Variants in ZSWIM7 observed in about 807,000 individuals in gnomAD.
ZSWIM7 encodes zinc finger SWIM domain-containing protein 7.
Under a neutral mutation model 21.1 loss-of-function variants are expected in ZSWIM7, and 22 were observed. The ratio of observed to expected loss-of-function variants is 1.04; its 90% CI spans 0.74 to 1.49. The LOEUF (loss-of-function observed/expected upper bound fraction) is 1.49, where lower values mean the gene tolerates loss of function less well. Ranked by LOEUF, ZSWIM7 falls within the 40% of genes most tolerant of loss-of-function variation. ZSWIM7 has a pLI of 0.00. For missense variants in ZSWIM7, 193 were observed against 168.0 expected (o/e 1.15, Z -0.82); for synonymous variants, 67 against 66.5 (o/e 1.01, Z -0.04).
At chr17:15,979,304 G>C (rs554341548) in intron 4 of ZSWIM7, among the ~76,000 whole-genome samples, 45 of 151,836 alleles carry the variant, frequency 3.0e-4, no homozygotes, top group Middle Eastern at 3.4e-3. Context: ...CAGGGTTGGG[G>C]GTAAGGTCAC....
chr17:15,997,361 C>T (rs907128313), intron 1 of ZSWIM7, among the ~76,000 whole-genome samples: 4 of 152,078 alleles, frequency 2.6e-5, no homozygotes, highest in Non-Finnish European at 4.4e-5. Context: ...TAACATACTT[C>T]GTTCATCTGA....
chr17:15,997,097 AAAG>A (rs1970564193), intron 1 of ZSWIM7, among the ~76,000 whole-genome samples: 3 of 151,822 alleles, frequency 2.0e-5, no homozygotes, highest in South Asian at 4.2e-4. Flanking sequence ...CTAGGAGGTC[AAAG>A]CTACAGTGAG....
intron 2 of ZSWIM7, among the ~76,000 whole-genome samples, chr17:15,988,437 G>A (rs967884638): frequency 2.6e-5 from 4 of 151,850 alleles, no homozygotes; most frequent in Non-Finnish European, 5.9e-5. Flanking sequence ...CATGTCCCTT[G>A]GCATACATCT....
chr17:15,986,000 C>T (rs1970404968), intron 3 of ZSWIM7, among the ~76,000 whole-genome samples: 1 of 152,138 alleles, frequency 6.6e-6, no homozygotes, highest in Non-Finnish European at 1.5e-5. Context: ...AATTGGCAGT[C>T]TCTTTTGAGT....
intron 3 of ZSWIM7, among the ~76,000 whole-genome samples, chr17:15,982,365 G>A (rs2151621187): frequency 6.6e-6 from 1 of 152,290 alleles, no homozygotes; most frequent in East Asian, 1.9e-4. Context: ...TGTCCTGAGG[G>A]TGATTTTATA....
rs890453669 is a variant in ZSWIM7, at chr17:15,993,650, G to C, written c.98+107C>G. The C allele has an allele frequency of 1.1e-5, 10 of 869,592 alleles. No individual in the cohort carries two copies. In the Admixed American group the frequency reaches 1.2e-4, roughly 11 times the overall value. The allele number at this position is 869,592 out of a possible 1,614,324, so 53.9% of individuals were successfully genotyped here. On this transcript the variant is annotated intron_variant, in intron 2 of 4. Coordinates refer to ENST00000399277, the MANE Select transcript of ZSWIM7 (RefSeq NM_001042697.2). ...CAAAGTGCTGGGATTATAGGCGTGA[G>C]CCACTGCGCCCGGTCAAGAGTATTT...
intron 2 of ZSWIM7, among the ~76,000 whole-genome samples, chr17:15,991,878 C>CAA (rs143575390): frequency 0.031 from 4,748 of 151,250 alleles, 251 homozygotes; most frequent in African/African-American, 0.11. Context: ...CTTCAGGGCT[C>CAA]AAACAGTCCT....
intron 2 of ZSWIM7, chr17:15,990,940 G>C (rs150311314): frequency 6.6e-6 from 1 of 151,984 alleles, no homozygotes; most frequent in African/African-American, 2.4e-5. Context: ...CAAGGCAGGC[G>C]GAACTCCTGA....
At position 15,999,550 on chromosome 17, in the gene ZSWIM7, C is replaced by T; in HGVS notation, c.45G>A (p.Glu15=). 6.3e-7 allele frequency: 1 copy of T among 1,597,948 alleles called. No individual in the cohort carries two copies. The highest frequency in any genetic ancestry group is 8.5e-7 in the Non-Finnish European group (1 of 1,173,800). The change falls in exon 1 of 5, where the codon GAG becomes GAA. Residue 15 remains glutamate, a synonymous_variant. Coordinates refer to ENST00000399277, the MANE Select transcript of ZSWIM7 (RefSeq NM_001042697.2). The part of the protein sequence containing the change: ...LPAVVEELLS[E]MAAAVQESAR... The stretch of plus-strand genomic sequence containing the variant: ...CGCTCTCCTGCACCGCCGCCGCCAT[C>T]TCGCTCAGGAGCTCCTCCACAACCG...
At position 15,977,387 on chromosome 17, in the gene ZSWIM7, G is replaced by A. The variant is rs1970290979; in HGVS notation, c.*660C>T. ...CATTCCAACCTTTTAAAAATTACTA[G>A]TAATTCAGTTAGTTACTTAAGACTA... On this transcript the variant is annotated 3_prime_UTR_variant, in exon 5 of 5. Coordinates refer to ENST00000399277, the MANE Select transcript of ZSWIM7 (RefSeq NM_001042697.2). The A allele has an allele frequency of 6.6e-6, 1 of 152,094 alleles. No individual in the cohort carries two copies. Among genetic ancestry groups the A allele is most frequent in the Admixed American group, 6.6e-5 (1 of 15,252 alleles). 9.4% of individuals were successfully genotyped at this position (152,094 alleles called of 1,614,324 possible).
intron 3 of ZSWIM7, 85 bp from the exon 4 acceptor site, chr17:15,981,229 T>C (rs1970351558): frequency 1.0e-6 from 1 of 961,784 alleles, no homozygotes; most frequent in Non-Finnish European, 1.6e-6. Context: ...AGACTCAGAG[T>C]TGCTCTGCAA....
chr17:15,991,864 G>A (rs1031679409), intron 2 of ZSWIM7, among the ~76,000 whole-genome samples: 1 of 150,868 alleles, frequency 6.6e-6, no homozygotes, highest in Non-Finnish European at 1.5e-5. Context: ...ACTGCAGCCT[G>A]GAACTTCAGG....
At chr17:15,983,118 G>A (rs1033203823) in intron 3 of ZSWIM7, among the ~76,000 whole-genome samples, 6 of 151,980 alleles carry the variant, frequency 3.9e-5, no homozygotes, top group East Asian at 1.9e-4. Context: ...AGGCTGAGGC[G>A]GGTGGATCAT....
rs2151620018 is a variant in ZSWIM7, at chr17:15,981,106, A to G, written c.240T>C (p.Ala80=). The G allele has an allele frequency of 6.2e-7, 1 of 1,614,010 alleles. No individual in the cohort carries two copies. Among genetic ancestry groups the G allele is most frequent in the East Asian group, 2.2e-5 (1 of 44,864 alleles). The change falls in exon 4 of 5, where the codon GCT becomes GCC. Residue 80 remains alanine (A), a synonymous_variant. Coordinates refer to ENST00000399277, the MANE Select transcript of ZSWIM7 (RefSeq NM_001042697.2). ...GSSSKTYTCL[A]SCHYCSCPAF... is the part of the protein sequence containing the mutation. ...CAGGACATGAACAGTAATGACAAGA[A>G]GCCAAACATGTGTATGTTTTACTGG...
chr17:15,979,006 T>A (rs1970312870), intron 4 of ZSWIM7, among the ~76,000 whole-genome samples: 1 of 151,426 alleles, frequency 6.6e-6, no homozygotes, highest in Admixed American at 6.6e-5. Context: ...TTATTTATTT[T>A]TATTGATCAT....
chr17:15,993,804 A>C (rs1320969272), intron 1 of ZSWIM7, 26 bp from the exon 2 acceptor site: 8 of 1,496,308 alleles, frequency 5.3e-6, no homozygotes, highest in Non-Finnish European at 7.4e-6. Context: ...GGAAAAAAAA[A>C]GTTAATCATA....
intron 1 of ZSWIM7, among the ~76,000 whole-genome samples, chr17:15,995,274 T>C (rs1379261310): frequency 6.6e-6 from 1 of 151,646 alleles, no homozygotes; most frequent in East Asian, 1.9e-4. Context: ...GTCTCTCTTT[T>C]TTTTTTTTTT....
intron 4 of ZSWIM7, 146 bp from the exon 5 acceptor site, chr17:15,978,309 G>A (rs1970304383): frequency 2.3e-5 from 15 of 650,416 alleles, no homozygotes; most frequent in Middle Eastern, 2.6e-4. Context: ...TCTAAAAAGT[G>A]CAGATGGGCC....
At chr17:15,997,077 T>A (rs1450501322) in intron 1 of ZSWIM7, among the ~76,000 whole-genome samples, 1 of 150,850 alleles carries the variant, frequency 6.6e-6, no homozygotes, top group African/African-American at 2.4e-5. Context: ...GGTGGGAGGA[T>A]CATCTGAGCC....
Sources: gnomAD v4.1 joint callset for allele counts (sites outside exome capture counted in the v4.1 genomes callset) on GRCh38, gnomAD v4.1.1 for gene constraint, MANE v1.5 for transcripts, NCBI Gene and HGNC (gene_info 2026-07-23, HGNC 2026-07-21) for gene names.